The following SLC25A13 variants were observed in gnomAD, a reference collection of about 807,000 sequenced individuals.
SLC25A13 encodes the protein electrogenic aspartate/glutamate antiporter SLC25A13, mitochondrial.
In SLC25A13, 70 loss-of-function variants were observed where a neutral mutation model predicts 85.5. That is an observed-to-expected ratio of 0.82 (90% confidence interval 0.68 to 1.00). The LOEUF is 1.00. Among genes scored for constraint, SLC25A13 ranks in the 50% least tolerant of loss-of-function variants. The probability of loss-of-function intolerance (pLI) is 0.00; values close to 1 mark genes in which losing one functional copy is unlikely to be tolerated. For synonymous variants in SLC25A13, 259 were observed against 288.7 expected, an observed-to-expected ratio of 0.90 and a Z score of 1.04; for missense variants, 765 against 819.8, an observed-to-expected ratio of 0.93 and a Z score of 0.82.
chr7:96,270,791 G>A (rs147180482), intron 3 of SLC25A13, among the ~76,000 whole-genome samples: 2 of 152,270 alleles, frequency 1.3e-5, no homozygotes, highest in Non-Finnish European at 2.9e-5. Flanking sequence ...TTCTAGGGAT[G>A]AGAAGCCCTA....
Position 96,311,256 on chromosome 7 carries a change from C to T in SLC25A13, c.15+10686G>A, listed in dbSNP as rs533859650. 2.0e-5 allele frequency among the ~76,000 whole-genome samples: 3 copies of T among 152,252 alleles called. No homozygotes were observed. In the South Asian group the frequency reaches 6.2e-4, roughly 32 times the overall value. ...TCTGAAACCACTGACCAAAACGTAACATCACAAGAAACAACCAAGAATTAG... is the reference window on the plus strand; with the variant it reads ...TCTGAAACCACTGACCAAAACGTAATATCACAAGAAACAACCAAGAATTAG... On this transcript the variant is annotated intron_variant, in intron 1 of 17. Coordinates refer to ENST00000265631, the MANE Select transcript of SLC25A13 (RefSeq NM_014251.3).
chr7:96,306,850 C>G (rs529202788), intron 1 of SLC25A13: 16 of 1,390,938 alleles, frequency 1.2e-5, no homozygotes, highest in African/African-American at 7.1e-5. Flanking sequence ...AAAAGGCAAA[C>G]GAGAAGAAGG....
At chr7:96,148,902 A>G (rs1792910866) in intron 13 of SLC25A13, among the ~76,000 whole-genome samples, 3 of 152,206 alleles carry the variant, frequency 2.0e-5, no homozygotes, top group Admixed American at 2.0e-4. Context: ...AGAGATGGAG[A>G]ATGTACAGGA....
At chr7:96,172,638 G>A (rs1178657963) in intron 11 of SLC25A13, among the ~76,000 whole-genome samples, 4 of 151,840 alleles carry the variant, frequency 2.6e-5, no homozygotes, top group Non-Finnish European at 5.9e-5. Context: ...GACTGACCCC[G>A]GGCCTCTTTC....
intron 3 of SLC25A13, among the ~76,000 whole-genome samples, chr7:96,270,845 C>A (rs571881607): frequency 3.3e-5 from 5 of 152,266 alleles, no homozygotes; most frequent in Admixed American, 3.3e-4. Context: ...AAGGCTCTTG[C>A]GGAAAATCCC....
chr7:96,150,594 G>C (rs1216101649), intron 13 of SLC25A13, among the ~76,000 whole-genome samples: 1 of 152,040 alleles, frequency 6.6e-6, no homozygotes, highest in Non-Finnish European at 1.5e-5. Context: ...GTTAAAAAGA[G>C]GTCTTTAGGG....
At chr7:96,301,576 A>G (rs373999619) in intron 1 of SLC25A13, among the ~76,000 whole-genome samples, 1 of 151,984 alleles carries the variant, frequency 6.6e-6, no homozygotes, top group Non-Finnish European at 1.5e-5. Context: ...TTGAAATTTG[A>G]TAACATTTTA....
At chr7:96,287,987 A>T (rs943858149) in intron 2 of SLC25A13, among the ~76,000 whole-genome samples, 13 of 152,218 alleles carry the variant, frequency 8.5e-5, no homozygotes, top group African/African-American at 3.1e-4. Context: ...GCACATACGA[A>T]GACCTTCTCT....
intron 9 of SLC25A13, 66 bp downstream of exon 9, chr7:96,189,228 G>A: frequency 7.1e-7 from 1 of 1,413,814 alleles, no homozygotes; most frequent in Non-Finnish European, 9.9e-7. Context: ...GCAACTGCAA[G>A]TGGAACAGGG....
chr7:96,164,050 G>C (rs879304872), intron 13 of SLC25A13, among the ~76,000 whole-genome samples: 1 of 152,140 alleles, frequency 6.6e-6, no homozygotes, highest in Non-Finnish European at 1.5e-5. Flanking sequence ...ATTAAAGATG[G>C]CTGCAACATC....
intron 3 of SLC25A13, among the ~76,000 whole-genome samples, chr7:96,254,486 C>T (rs1797550341): frequency 3.9e-5 from 6 of 152,120 alleles, no homozygotes; most frequent in Admixed American, 3.9e-4. Context: ...TGAGACAAGT[C>T]CTTATAATAA....
chr7:96,184,183 A>T (rs1383869322), intron 11 of SLC25A13, 94 bp downstream of exon 11: 1 of 1,453,166 alleles, frequency 6.9e-7, no homozygotes, highest in African/African-American at 1.4e-5. Flanking sequence ...TTCCATTTTA[A>T]CGCAGTCTTG....
At chr7:96,237,988 G>A (rs1453199154) in intron 3 of SLC25A13, among the ~76,000 whole-genome samples, 2 of 152,156 alleles carry the variant, frequency 1.3e-5, no homozygotes, top group South Asian at 4.2e-4. Flanking sequence ...GGACTCAAGA[G>A]AGATGCTGGT....
At chr7:96,185,533 T>G (rs1412826825) in intron 9 of SLC25A13, among the ~76,000 whole-genome samples, 1 of 151,938 alleles carries the variant, frequency 6.6e-6, no homozygotes, top group African/African-American at 2.4e-5. Flanking sequence ...GGGGCAGAGG[T>G]TGCAGTGAGC....
intron 2 of SLC25A13, 150 bp from the exon 3 acceptor site, chr7:96,277,488 C>G: frequency 1.3e-6 from 1 of 747,458 alleles, no homozygotes; most frequent in South Asian, 2.0e-5. Flanking sequence ...TATCTCCCAA[C>G]AGTTCAAAGA....
chr7:96,251,201 C>A (rs989566221), intron 3 of SLC25A13, among the ~76,000 whole-genome samples: 1 of 152,030 alleles, frequency 6.6e-6, no homozygotes, highest in Non-Finnish European at 1.5e-5. Context: ...ACGGCAAGCA[C>A]GGTGTGTTCA....
intron 1 of SLC25A13, among the ~76,000 whole-genome samples, chr7:96,316,912 C>T (rs1057242175): frequency 1.3e-5 from 2 of 152,150 alleles, no homozygotes; most frequent in Admixed American, 1.3e-4. Context: ...GCTGCTGGAG[C>T]CAGACTGGCA....
At chr7:96,225,302 T>G (rs1796291219) in intron 4 of SLC25A13, among the ~76,000 whole-genome samples, 1 of 152,064 alleles carries the variant, frequency 6.6e-6, no homozygotes, top group African/African-American at 2.4e-5. Context: ...CCTAGCATCT[T>G]GGGAAGCCAA....
chr7:96,227,135 G>C (rs1031852539), intron 4 of SLC25A13, among the ~76,000 whole-genome samples: 1 of 152,092 alleles, frequency 6.6e-6, no homozygotes, highest in African/African-American at 2.4e-5. Context: ...GAGGTACTTA[G>C]CACTGATTCA....
Sources: gnomAD v4.1 joint callset for allele counts (sites outside exome capture counted in the v4.1 genomes callset) on GRCh38, gnomAD v4.1.1 for gene constraint, MANE v1.5 for transcripts, NCBI Gene and HGNC (gene_info 2026-07-23, HGNC 2026-07-21) for gene names.